Variants in SLCO1C1 observed in about 807,000 individuals in gnomAD.
SLCO1C1 encodes the protein OAT-RP-5.
In SLCO1C1, 70 loss-of-function variants were observed where a neutral mutation model predicts 76.4. The ratio of observed to expected loss-of-function variants is 0.92; its 90% CI spans 0.76 to 1.12. The LOEUF (loss-of-function observed/expected upper bound fraction) is 1.12. Among genes scored for constraint, SLCO1C1 ranks in the 50% most tolerant of loss-of-function variants. The pLI is 0.00. For missense variants in SLCO1C1, 912 were observed against 823.8 expected, an observed-to-expected ratio of 1.11 and a Z score of -1.31; for synonymous variants, 306 against 286.1, an observed-to-expected ratio of 1.07 and a Z score of -0.70.
rs533354901 is a variant in SLCO1C1 at position 20,709,114 on chromosome 12, A to C, written c.405-2272A>C. ...GCTACTGCAAAATTTCATACATCAA[A>C]GTCAAGAGTGCATCAGTCAGGATTT... On this transcript the variant is annotated intron_variant, in intron 4 of 14. Coordinates refer to ENST00000266509, the MANE Select transcript of SLCO1C1 (RefSeq NM_017435.5). Among the ~76,000 whole-genome samples the C allele has an allele frequency of 6.6e-5, 10 of 152,308 alleles. No individual in the cohort carries two copies. The East Asian group carries it at 7.7e-4, about 12-fold the overall frequency.
At chr12:20,720,827 G>A (rs1947625652) in intron 7 of SLCO1C1, among the ~76,000 whole-genome samples, 1 of 151,922 alleles carries the variant, frequency 6.6e-6, no homozygotes, top group Non-Finnish European at 1.5e-5. Context: ...GAGAAACCCT[G>A]TCTCTACTAA....
At chr12:20,736,618 C>T (rs574081374) in intron 10 of SLCO1C1, among the ~76,000 whole-genome samples, 1 of 152,132 alleles carries the variant, frequency 6.6e-6, no homozygotes, top group Non-Finnish European at 1.5e-5. Flanking sequence ...AGAGAATTAA[C>T]TGATAACTGA....
At chr12:20,701,504 T>G (rs1267298060) in intron 3 of SLCO1C1, 45 bp downstream of exon 3, 2 of 1,397,478 alleles carry the variant, frequency 1.4e-6, no homozygotes, top group African/African-American at 2.9e-5. Context: ...CCCAAGATCT[T>G]CTAGGTGTGG....
At chr12:20,722,371 T>C (rs767430255) in intron 8 of SLCO1C1, among the ~76,000 whole-genome samples, 3 of 152,224 alleles carry the variant, frequency 2.0e-5, no homozygotes, top group Non-Finnish European at 4.4e-5. Context: ...ATCTTCAAGG[T>C]TGGCAGCCTT....
chr12:20,704,686 C>G (rs193111469), intron 3 of SLCO1C1, among the ~76,000 whole-genome samples: 2 of 150,612 alleles, frequency 1.3e-5, no homozygotes, highest in East Asian at 4.0e-4. Context: ...TTTACTAAAG[C>G]TGGCAATGTG....
At chr12:20,700,574 A>C (rs1946474171) in intron 2 of SLCO1C1, among the ~76,000 whole-genome samples, 1 of 151,736 alleles carries the variant, frequency 6.6e-6, no homozygotes, top group African/African-American at 2.4e-5. Flanking sequence ...CATTAGGTAT[A>C]TCTCCTAATG....
intron 9 of SLCO1C1, among the ~76,000 whole-genome samples, chr12:20,727,562 T>G (rs1948076369): frequency 6.6e-6 from 1 of 152,228 alleles, no homozygotes. Flanking sequence ...CAGGCTGGAG[T>G]GCAGTGGCGC....
chr12:20,699,256 C>T (rs1023680200), intron 1 of SLCO1C1, among the ~76,000 whole-genome samples: 1 of 151,984 alleles, frequency 6.6e-6, no homozygotes, highest in Non-Finnish European at 1.5e-5. Context: ...ACAAAGTTAG[C>T]AAAATTCTGC....
At position 20,730,036 on chromosome 12, in the gene SLCO1C1, A is replaced by G. The variant is rs139370732; in HGVS notation, c.1187-2873A>G. 4.6e-3 allele frequency among the ~76,000 whole-genome samples: 698 copies of G among 152,270 alleles called. 5 individuals are homozygous for G. Among genetic ancestry groups the G allele is most frequent in the African/African-American group, 0.016 (672 of 41,552 alleles). ...GGGTCTGGGAGGTCAATGGAATCCA[A>G]TACGGCACATAGGTACAGACAAGGT... On this transcript the variant is annotated intron_variant, in intron 9 of 14. Coordinates refer to ENST00000266509, the MANE Select transcript of SLCO1C1 (RefSeq NM_017435.5).
chr12:20,730,577 G>A (rs1025742493), intron 9 of SLCO1C1, among the ~76,000 whole-genome samples: 9 of 152,056 alleles, frequency 5.9e-5, no homozygotes, highest in African/African-American at 2.2e-4. Flanking sequence ...GCTGTTCAAG[G>A]TTCCAGATTT....
chr12:20,721,316 A>G (rs982935054), intron 7 of SLCO1C1, among the ~76,000 whole-genome samples: 6 of 152,184 alleles, frequency 3.9e-5, no homozygotes, highest in Non-Finnish European at 8.8e-5. Context: ...TCTTATGTTC[A>G]TACATTGCCA....
chr12:20,750,224 G>A (rs1231841502), intron 13 of SLCO1C1, among the ~76,000 whole-genome samples: 2 of 152,138 alleles, frequency 1.3e-5, no homozygotes, highest in Non-Finnish European at 2.9e-5. Flanking sequence ...TTAAGTTAGG[G>A]TAGAAGGAGT....
At chr12:20,725,401 G>A (rs1475322931) in intron 9 of SLCO1C1, among the ~76,000 whole-genome samples, 2 of 134,656 alleles carry the variant, frequency 1.5e-5, no homozygotes, top group African/African-American at 5.4e-5. Flanking sequence ...ATGATATATG[G>A]TAATACTATA....
intron 13 of SLCO1C1, among the ~76,000 whole-genome samples, chr12:20,745,161 A>G (rs375673298): frequency 6.6e-6 from 1 of 152,162 alleles, no homozygotes. Context: ...GAAGAAAGGG[A>G]AGAGGGATAA....
At chr12:20,721,696 G>A in intron 7 of SLCO1C1, 108 bp from the exon 8 acceptor site, 1 of 1,298,674 alleles carries the variant, frequency 7.7e-7, no homozygotes, top group South Asian at 1.7e-5. Flanking sequence ...TGAATTATTA[G>A]GTATTTTATG....
At position 20,752,337 on chromosome 12, in the gene SLCO1C1, G is replaced by T; in HGVS notation, c.1948G>T (p.Gly650Cys). 6.2e-7 allele frequency: 1 copy of T among 1,606,806 alleles called. No individual in the cohort carries two copies. Among genetic ancestry groups the T allele is most frequent in the South Asian group, 1.1e-5 (1 of 90,094 alleles). ...ATATCTGGGACTAACTGTGATACTG[G>T]GCACAGTGTCAATTCTCCTAAGCAT... ...HIYLGLTVIL[G>C]TVSILLSIAV... The change falls in exon 15 of 15, where the codon GGC becomes TGC. Residue 650 changes from glycine to cysteine, a missense_variant. Gly to Cys is a radical substitution (Grantham distance 159). Transcript: ENST00000266509.
chr12:20,719,664 C>T (rs920512006), intron 7 of SLCO1C1, among the ~76,000 whole-genome samples: 17 of 152,166 alleles, frequency 1.1e-4, no homozygotes, highest in Non-Finnish European at 2.2e-4. Flanking sequence ...TAATTCAGAA[C>T]AAGGCCTAAC....
chr12:20,723,938 A>G (rs1947804096), intron 9 of SLCO1C1, among the ~76,000 whole-genome samples: 1 of 151,934 alleles, frequency 6.6e-6, no homozygotes. Context: ...TTTCTCTAGT[A>G]TTGTAAAAAT....
At chr12:20,717,568 G>C (rs572839901) in intron 7 of SLCO1C1, among the ~76,000 whole-genome samples, 1 of 134,596 alleles carries the variant, frequency 7.4e-6, no homozygotes, top group Non-Finnish European at 1.5e-5. Flanking sequence ...ATTTTTTATA[G>C]TTACATCAAT....
Sources: gnomAD v4.1 joint callset for allele counts (sites outside exome capture counted in the v4.1 genomes callset) on GRCh38, gnomAD v4.1.1 for gene constraint, MANE v1.5 for transcripts, NCBI Gene and HGNC (gene_info 2026-07-23, HGNC 2026-07-21) for gene names.